The following C5AR2 variants were observed in gnomAD, a reference collection of about 807,000 sequenced individuals.
C5AR2 encodes C5a anaphylatoxin chemotactic receptor 2.
For synonymous variants in C5AR2, 224 were observed against 216.5 expected (o/e 1.03, Z -0.30); for missense variants, 458 against 467.5 (o/e 0.98, Z 0.19).
In C5AR2 at chr19:47,344,346, C is replaced by CTAAATAAATAAATAAA. The variant is rs199564796; in HGVS notation, c.*2541_*2556dup. The CTAAATAAATAAATAAA allele has an allele frequency of 6.6e-6, 1 of 151,746 alleles. No homozygotes were observed. Among genetic ancestry groups the CTAAATAAATAAATAAA allele is most frequent in the African/African-American group, 2.4e-5 (1 of 41,280 alleles). The allele number at this position is 151,746 out of a possible 1,614,324, so 9.4% of individuals were successfully genotyped here. On this transcript the variant is annotated 3_prime_UTR_variant, in exon 2 of 2. Transcript: ENST00000595464. ...TAGGTGACGGAGCGGGACCCTGCCG[C>CTAAATAAATAAATAAA]TAAATAAATAAATAAATAAATAACA...
In C5AR2 at chr19:47,342,068, T is replaced by TAAACAAAG; in HGVS notation, c.*256_*257insAACAAAGA. On this transcript the variant is annotated 3_prime_UTR_variant, in exon 2 of 2. Coordinates refer to ENST00000595464, the MANE Select transcript of C5AR2 (RefSeq NM_001271749.2). Reference sequence around the variant, plus strand: ...GGAAGACAGACTATAAACAAAGATATATAGGGCCATTTGCGGTGGCTCACG... The same window carrying TAAACAAAG: ...GGAAGACAGACTATAAACAAAGATATAAACAAAGATAGGGCCATTTGCGGTGGCTCACG... 2.2e-6 allele frequency: 1 copy of TAAACAAAG among 455,574 alleles called. No individual in the cohort carries two copies. The highest frequency in any genetic ancestry group is 3.0e-5 in the South Asian group (1 of 33,890). 28.2% of individuals were successfully genotyped at this position (455,574 alleles called of 1,614,324 possible).
Position 47,343,746 on chromosome 19 carries a change from G to A in C5AR2, c.*1933G>A, listed in dbSNP as rs1209486505. ...TCTGCTTCAATCCTCCTTAAAGCAG[G>A]TAGATTGCTTGAGCCCGGGAAGTGG... On this transcript the variant is annotated 3_prime_UTR_variant, in exon 2 of 2. Coordinates refer to ENST00000595464, the MANE Select transcript of C5AR2 (RefSeq NM_001271749.2). 1 of 151,956 alleles carries A rather than the reference G, an allele frequency of 6.6e-6. No homozygotes were observed. Among genetic ancestry groups the A allele is most frequent in the Non-Finnish European group, 1.5e-5 (1 of 68,040 alleles). The allele number at this position is 151,956 out of a possible 1,614,324, so 9.4% of individuals were successfully genotyped here. A position where few individuals can be genotyped will look rare whatever the true frequency, so the allele number is the denominator to read the frequency against.
Position 47,344,631 on chromosome 19 carries a change from C to T in C5AR2, c.*2818C>T, listed in dbSNP as rs183921837. ...TTCCTTCAAGGCGTCCCTCAAATGT[C>T]ACTTCCTCCAGGAAGCCCTCCCTGA... On this transcript the variant is annotated 3_prime_UTR_variant, in exon 2 of 2. Coordinates refer to ENST00000595464, the MANE Select transcript of C5AR2 (RefSeq NM_001271749.2). The T allele has an allele frequency of 1.3e-5, 2 of 152,264 alleles. No homozygotes were observed. Among genetic ancestry groups the T allele is most frequent in the African/African-American group, 4.8e-5 (2 of 41,558 alleles). 9.4% of individuals were successfully genotyped at this position (152,264 alleles called of 1,614,324 possible). A position where few individuals can be genotyped will look rare whatever the true frequency, so the allele number is the denominator to read the frequency against.
intron 1 of C5AR2, among the ~76,000 whole-genome samples, chr19:47,335,763 C>T (rs868523028): frequency 2.5e-5 from 1 of 39,296 alleles, no homozygotes; most frequent in East Asian, 7.8e-4. Flanking sequence ...CAGAGTGATA[C>T]TCCGTCTCAA....
At chr19:47,340,730 C>T in intron 1 of C5AR2, 55 bp from the exon 2 acceptor site, 2 of 1,564,974 alleles carry the variant, frequency 1.3e-6, no homozygotes. Flanking sequence ...CCCTAGATCT[C>T]CAGGGCCATG....
intron 1 of C5AR2, among the ~76,000 whole-genome samples, chr19:47,335,799 A>G (rs1299657011): frequency 7.2e-6 from 1 of 138,040 alleles, no homozygotes; most frequent in African/African-American, 2.9e-5. Context: ...AAAAAAAAAA[A>G]AAAGAAAGTT....
chr19:47,341,210 C>T lies in C5AR2; in HGVS notation c.411C>T (p.Leu137=), dbSNP rs754371545. 41 of 1,601,048 alleles carry T rather than the reference C, an allele frequency of 2.6e-5. No individual in the cohort carries two copies. The highest frequency in any genetic ancestry group is 3.1e-5 in the Non-Finnish European group (37 of 1,179,864). The part of the protein sequence containing the change: ...ALSADLCFLA[L]GPAWWSTVQR... ...GTGCCGACCTCTGCTTCCTGGCTCT[C>T]GGGCCTGCCTGGTGGTCTACGGTTC... Residue 137 remains leucine (L), a synonymous_variant, in exon 2 of 2, where the codon CTC becomes CTT. Coordinates refer to ENST00000595464, the MANE Select transcript of C5AR2 (RefSeq NM_001271749.2). The surrounding 1 kb of genome is among the most constrained non-coding windows in gnomAD (Gnocchi z 4.6).
intron 1 of C5AR2, among the ~76,000 whole-genome samples, chr19:47,338,061 T>G (rs1372091107): frequency 2.0e-5 from 3 of 149,142 alleles, no homozygotes; most frequent in Non-Finnish European, 4.4e-5. Context: ...GGTAGCAGAG[T>G]GAGACTCCGT....
chr19:47,346,991 T>C lies in C5AR2; in HGVS notation c.*5178T>C, dbSNP rs1319170998. ...TCATTTTGTAGATCATTAGCCCTTCTTTTTTGAACTGGAATACATTTCACG... is the reference window on the plus strand; with the variant it reads ...TCATTTTGTAGATCATTAGCCCTTCCTTTTTGAACTGGAATACATTTCACG... On this transcript the variant is annotated 3_prime_UTR_variant, in exon 2 of 2. Coordinates refer to ENST00000595464, the MANE Select transcript of C5AR2 (RefSeq NM_001271749.2). 1.3e-5 allele frequency: 2 copies of C among 152,258 alleles called. No individual in the cohort carries two copies. Among genetic ancestry groups the C allele is most frequent in the African/African-American group, 4.8e-5 (2 of 41,472 alleles). The allele number at this position is 152,258 out of a possible 1,614,324, so 9.4% of individuals were successfully genotyped here. A position where few individuals can be genotyped will look rare whatever the true frequency, so the allele number is the denominator to read the frequency against.
In C5AR2 at chr19:47,346,300, G is replaced by T. The variant is rs1410021749; in HGVS notation, c.*4487G>T. On this transcript the variant is annotated 3_prime_UTR_variant, in exon 2 of 2. Coordinates refer to ENST00000595464, the MANE Select transcript of C5AR2 (RefSeq NM_001271749.2). ...CCCATGGCAATGACCCCATGACCCAGAAGTTACTGCCCCTTCCCTAGATAT... is the reference window on the plus strand; with the variant it reads ...CCCATGGCAATGACCCCATGACCCATAAGTTACTGCCCCTTCCCTAGATAT... 6.6e-6 allele frequency: 1 copy of T among 151,172 alleles called. No individual in the cohort carries two copies. Among genetic ancestry groups the T allele is most frequent in the Non-Finnish European group, 1.5e-5 (1 of 67,492 alleles). 9.4% of individuals were successfully genotyped at this position (151,172 alleles called of 1,614,324 possible).
In C5AR2 at chr19:47,343,139, G is replaced by A. The variant is rs11879753; in HGVS notation, c.*1326G>A. The A allele has an allele frequency of 6.6e-6, 1 of 152,128 alleles. No homozygotes were observed. Among genetic ancestry groups the A allele is most frequent in the Non-Finnish European group, 1.5e-5 (1 of 68,054 alleles). The allele number at this position is 152,128 out of a possible 1,614,324, so 9.4% of individuals were successfully genotyped here. The stretch of plus-strand genomic sequence containing the variant: ...GTCCTTTTAAGAGGGAGGCAGGAGG[G>A]TCAGGGTCAGTCACAGGAGGTGACA... On this transcript the variant is annotated 3_prime_UTR_variant, in exon 2 of 2. Coordinates refer to ENST00000595464, the MANE Select transcript of C5AR2 (RefSeq NM_001271749.2).
chr19:47,342,799 G>C lies in C5AR2; in HGVS notation c.*986G>C, dbSNP rs1969065408. On this transcript the variant is annotated 3_prime_UTR_variant, in exon 2 of 2. Coordinates refer to ENST00000595464, the MANE Select transcript of C5AR2 (RefSeq NM_001271749.2). ...TCCAAGCAGGAGGTGATAGCGATTT[G>C]GATCAGGGTAACAGAGCTGAGGTGG... 1 of 152,276 alleles carries C rather than the reference G, an allele frequency of 6.6e-6. No homozygotes were observed. 9.4% of individuals were successfully genotyped at this position (152,276 alleles called of 1,614,324 possible).
chr19:47,334,939 C>T (rs2059351812), intron 1 of C5AR2, among the ~76,000 whole-genome samples: 1 of 151,388 alleles, frequency 6.6e-6, no homozygotes, highest in Admixed American at 6.6e-5. Flanking sequence ...TGCTGGAGTG[C>T]AGTGGTGTGA....
In C5AR2 at chr19:47,345,543, T is replaced by A. The variant is rs1002178641; in HGVS notation, c.*3730T>A. 1 of 151,446 alleles carries A rather than the reference T, an allele frequency of 6.6e-6. No homozygotes were observed. The highest frequency in any genetic ancestry group is 1.5e-5 in the Non-Finnish European group (1 of 67,876). 9.4% of individuals were successfully genotyped at this position (151,446 alleles called of 1,614,324 possible). A position where few individuals can be genotyped will look rare whatever the true frequency, so the allele number is the denominator to read the frequency against. On this transcript the variant is annotated 3_prime_UTR_variant, in exon 2 of 2. Coordinates refer to ENST00000595464, the MANE Select transcript of C5AR2 (RefSeq NM_001271749.2). ...CCAAACCCAGCTAATGTTTTTTTTT[T>A]TTTATTTTTAGTAGAGACGGGGTTT... is the stretch of plus-strand genomic sequence containing the variant.
At position 47,342,987 on chromosome 19, in the gene C5AR2, A is replaced by G. The variant is rs1050516150; in HGVS notation, c.*1174A>G. On this transcript the variant is annotated 3_prime_UTR_variant, in exon 2 of 2. Transcript: ENST00000595464. ...GACCCCCGGTGATGTCCACATCTTA[A>G]TCCCCTGAACCTGTGAAGAGGTGAC... The G allele has an allele frequency of 6.6e-6, 1 of 152,210 alleles. No individual in the cohort carries two copies. Among genetic ancestry groups the G allele is most frequent in the Non-Finnish European group, 1.5e-5 (1 of 68,064 alleles). The allele number at this position is 152,210 out of a possible 1,614,324, so 9.4% of individuals were successfully genotyped here.
chr19:47,335,871 G>A (rs1394168731), intron 1 of C5AR2, among the ~76,000 whole-genome samples: 1 of 150,338 alleles, frequency 6.7e-6, no homozygotes, highest in South Asian at 2.1e-4. Flanking sequence ...GGGGTGAGAG[G>A]ATGCGTGTGG....
chr19:47,339,038 C>T (rs2059371370), intron 1 of C5AR2, among the ~76,000 whole-genome samples: 1 of 151,728 alleles, frequency 6.6e-6, no homozygotes, highest in Admixed American at 6.6e-5. Context: ...CCTGTAATCT[C>T]AGCTACTTGG....
intron 1 of C5AR2, among the ~76,000 whole-genome samples, chr19:47,334,144 T>C (rs942341259): frequency 3.9e-5 from 6 of 152,082 alleles, no homozygotes; most frequent in Non-Finnish European, 2.9e-5. Context: ...GGAGCTGATG[T>C]TGTGGGATAT....
intron 1 of C5AR2, among the ~76,000 whole-genome samples, chr19:47,338,887 C>T (rs979778058): frequency 3.3e-5 from 5 of 150,448 alleles, no homozygotes; most frequent in African/African-American, 1.2e-4. Flanking sequence ...GACATGGTGG[C>T]TCACGCCTGT....
Sources: allele counts gnomAD v4.1 joint callset (sites outside exome capture counted in the v4.1 genomes callset), GRCh38; gene constraint gnomAD v4.1.1; non-coding constraint Gnocchi (gnomAD v3.1); transcripts MANE v1.5; gene names NCBI Gene and HGNC (gene_info 2026-07-23, HGNC 2026-07-21).